The following MRNIP variants were observed in gnomAD, a reference collection of about 807,000 sequenced individuals.
The protein encoded by MRNIP is MRN complex interacting protein.
A neutral mutation model predicts 29.8 loss-of-function variants in MRNIP; 30 were observed. The observed-to-expected ratio is 1.01, with a 90% CI of 0.75 to 1.36. The LOEUF is 1.36. Ranked by LOEUF, MRNIP falls within the 40% of genes most tolerant of loss-of-function variation. MRNIP has a pLI of 0.00. For missense variants in MRNIP, 459 were observed against 423.5 expected (o/e 1.08, Z -0.74); for synonymous variants, 201 against 164.1 (o/e 1.23, Z -1.72).
chr5:179,846,237 ACTC>A (rs1759123840), intron 3 of MRNIP: 1 of 149,410 alleles, frequency 6.7e-6, no homozygotes, highest in Non-Finnish European at 1.5e-5. Context: ...ATGATTTTAA[ACTC>A]CTGAGTATAT....
At chr5:179,840,818 T>A (rs1758847097) in intron 6 of MRNIP, 54 bp downstream of exon 6, 10 of 1,229,572 alleles carry the variant, frequency 8.1e-6, no homozygotes, top group Non-Finnish European at 1.2e-5. Flanking sequence ...GACAGAATTA[T>A]CACACACACG....
intron 2 of MRNIP, chr5:179,851,338 C>T (rs533046437): frequency 2.2e-6 from 1 of 456,076 alleles, no homozygotes; most frequent in East Asian, 6.9e-5. Flanking sequence ...GTTGCTTCTC[C>T]TAGGAATTTA....
chr5:179,848,295 C>A lies in MRNIP; in HGVS notation c.127-229G>T, dbSNP rs80334369. On this transcript the variant is annotated intron_variant, in intron 2 of 6. Transcript: ENST00000292586. ...ATCTATGTGGCTGTCCCACAATCAC[C>A]CTGAACTCTACCTACTGAAGCCAAA... is the stretch of plus-strand genomic sequence containing the variant. Among the ~76,000 whole-genome samples, 171 of 152,236 alleles carry A rather than the reference C, an allele frequency of 1.1e-3. 1 individual carries two copies. The East Asian group carries it at 0.029, about 26-fold the overall frequency.
chr5:179,842,780 C>A (rs1352919028), intron 4 of MRNIP, among the ~76,000 whole-genome samples: 1 of 149,650 alleles, frequency 6.7e-6, no homozygotes, highest in Non-Finnish European at 1.5e-5. Context: ...CACCTGTAAC[C>A]CTAGCACCGT....
chr5:179,858,454 T>C (rs1024110470), intron 1 of MRNIP, among the ~76,000 whole-genome samples: 1 of 152,140 alleles, frequency 6.6e-6, no homozygotes, highest in Non-Finnish European at 1.5e-5. Flanking sequence ...AGGCTCTGCG[T>C]AAAGGATGCT....
At position 179,847,924 on chromosome 5, in the gene MRNIP, C is replaced by G. The variant is rs1582049236; in HGVS notation, c.215+54G>C. 1.0e-5 allele frequency: 12 copies of G among 1,195,152 alleles called. No individual in the cohort carries two copies. The East Asian group carries it at 2.8e-4, about 28-fold the overall frequency. The allele number at this position is 1,195,152 out of a possible 1,614,324, so 74.0% of individuals were successfully genotyped here. On this transcript the variant is annotated intron_variant, in intron 3 of 6. Coordinates refer to ENST00000292586, the MANE Select transcript of MRNIP (RefSeq NM_016175.4). ...GATTTCCACTGTGTACTTCTATTAT[C>G]CAGTCAAGACGAAAACAGGGCAAGA...
rs1759422705 is a variant in MRNIP, at chr5:179,852,771, G to A, written c.126+607C>T. Among the ~76,000 whole-genome samples the A allele has an allele frequency of 3.3e-5, 5 of 152,216 alleles. No individual in the cohort carries two copies. In the South Asian group the frequency reaches 6.2e-4, roughly 19 times the overall value. On this transcript the variant is annotated intron_variant, in intron 2 of 6. Transcript: ENST00000292586. Reference sequence around the variant, plus strand: ...AGCAGGAAAAGAGCAAGTTCAGTAAGGCAAAGGATGCAGGACAGTTTGGGG... The same window carrying A: ...AGCAGGAAAAGAGCAAGTTCAGTAAAGCAAAGGATGCAGGACAGTTTGGGG...
Position 179,837,495 on chromosome 5 carries a change from G to A in MRNIP, c.928C>T (p.Pro310Ser), listed in dbSNP as rs756233444. 4.3e-6 allele frequency: 7 copies of A among 1,614,186 alleles called. No homozygotes were observed. Among genetic ancestry groups the A allele is most frequent in the Non-Finnish European group, 5.9e-6 (7 of 1,180,008 alleles). Reference protein sequence around the residue: ...CGKTSWDARTPWAEGGPLVLE... With the variant: ...CGKTSWDARTSWAEGGPLVLE... ...ACCAGGGGCCCACCCTCTGCCCAGG[G>A]AGTCCTTGCGTCCCATGAGGTCTTC... Residue 310 changes from proline to serine, a missense_variant, in exon 7 of 7, where the codon CCC becomes TCC. Pro to Ser is a moderately conservative substitution (Grantham distance 74, BLOSUM62 -1). Coordinates refer to ENST00000292586, the MANE Select transcript of MRNIP (RefSeq NM_016175.4).
chr5:179,837,665 T>G lies in MRNIP; in HGVS notation c.758A>C (p.Asp253Ala), dbSNP rs1318586958. The G allele has an allele frequency of 8.7e-6, 14 of 1,614,058 alleles. No individual in the cohort carries two copies. The highest frequency in any genetic ancestry group is 1.2e-5 in the Non-Finnish European group (14 of 1,180,042). ...CTGTGCTGGACCAGCTGGCCTGGGG[T>G]CCCTCTGAAGAGACCTTGGCTGCTC... is the stretch of plus-strand genomic sequence containing the variant. ...DSEQPRSLQR[D>A]PRPAGPAQAK... Residue 253 changes from aspartate to alanine, a missense_variant, in exon 7 of 7, where the codon GAC becomes GCC. By Grantham distance (126) the Asp-to-Ala change is moderately radical (BLOSUM62 -2). Coordinates refer to ENST00000292586, the MANE Select transcript of MRNIP (RefSeq NM_016175.4).
chr5:179,848,533 C>CTG (rs2113558901), intron 2 of MRNIP, among the ~76,000 whole-genome samples: 1 of 152,314 alleles, frequency 6.6e-6, no homozygotes, highest in African/African-American at 2.4e-5. Flanking sequence ...TGAATACCAA[C>CTG]TGTGTGCCAG....
At chr5:179,854,453 C>T (rs990302277) in intron 1 of MRNIP, among the ~76,000 whole-genome samples, 12 of 152,214 alleles carry the variant, frequency 7.9e-5, no homozygotes, top group South Asian at 2.1e-4. Flanking sequence ...TTAACAAGTC[C>T]GGGTTGGTGC....
intron 6 of MRNIP, chr5:179,838,398 G>A (rs757803643): frequency 1.8e-5 from 3 of 168,370 alleles, no homozygotes; most frequent in Admixed American, 5.5e-5. Context: ...GGTGTCGGCC[G>A]GGCGCAGTGG....
intron 4 of MRNIP, among the ~76,000 whole-genome samples, chr5:179,842,991 C>T (rs770616024): frequency 5.5e-5 from 8 of 146,504 alleles, no homozygotes; most frequent in East Asian, 4.1e-4. Flanking sequence ...TGAGATCACG[C>T]CACTGCACTC....
chr5:179,848,001 T>C lies in MRNIP; in HGVS notation c.192A>G (p.Gly64=). ...RHVQKLNLLQ[G]QVSELPLRSL... is the part of the protein sequence containing the mutation. ...ACCTGAGTGGCAGCTCTGAAACTTG[T>C]CCCTGTAGTAGATTTAACTTTTGGA... Residue 64 remains glycine (G), a synonymous_variant, in exon 3 of 7, where the codon GGA becomes GGG. Coordinates refer to ENST00000292586, the MANE Select transcript of MRNIP (RefSeq NM_016175.4). 1 of 1,613,066 alleles carries C rather than the reference T, an allele frequency of 6.2e-7. No homozygotes were observed.
chr5:179,840,179 A>T (rs1044100388), intron 6 of MRNIP: 5 of 152,248 alleles, frequency 3.3e-5, no homozygotes, highest in African/African-American at 1.2e-4. Context: ...ACCTCAAGTG[A>T]TCCACCCACC....
intron 1 of MRNIP, among the ~76,000 whole-genome samples, chr5:179,856,393 TGTTAAAGTA>T (rs1161814985): frequency 2.6e-5 from 4 of 152,152 alleles, no homozygotes; most frequent in Admixed American, 2.6e-4. Flanking sequence ...AAGTTAAACG[TGTTAAAGTA>T]GTACACAGCC....
chr5:179,853,957 C>T (rs1268674309), intron 1 of MRNIP, among the ~76,000 whole-genome samples: 2 of 151,696 alleles, frequency 1.3e-5, no homozygotes, highest in African/African-American at 4.8e-5. Context: ...AGTGATCCAC[C>T]TGCCTTGGCC....
At chr5:179,843,905 G>A (rs780013775) in intron 4 of MRNIP, among the ~76,000 whole-genome samples, 2 of 152,150 alleles carry the variant, frequency 1.3e-5, no homozygotes, top group African/African-American at 2.4e-5. Context: ...GCTACATTCA[G>A]GAGTTCTCCA....
At chr5:179,847,905 C>T (rs1401698572) in intron 3 of MRNIP, 73 bp downstream of exon 3, 2 of 1,021,640 alleles carry the variant, frequency 2.0e-6, no homozygotes, top group East Asian at 2.4e-5. Context: ...TCAGGATTTC[C>T]ACTGTGTACT....
Sources: allele counts gnomAD v4.1 joint callset (sites outside exome capture counted in the v4.1 genomes callset), GRCh38; gene constraint gnomAD v4.1.1; transcripts MANE v1.5; gene names NCBI Gene and HGNC (gene_info 2026-07-23, HGNC 2026-07-21).